STPG2: variants seen among roughly 807,000 people sequenced by gnomAD.
The protein encoded by STPG2 is sperm-tail PG-rich repeat-containing protein 2.
Under a neutral mutation model 54.2 loss-of-function variants are expected in STPG2, and 56 were observed. The observed-to-expected ratio is 1.03, with a 90% confidence interval of 0.83 to 1.29. The LOEUF is 1.29. Ranked by LOEUF, STPG2 falls within the 50% of genes most tolerant of loss-of-function variation. The pLI, the probability that STPG2 is intolerant of heterozygous loss-of-function variation, is 0.00. For synonymous variants in STPG2, 200 were observed against 181.8 expected (o/e 1.10, Z -0.81); for missense variants, 596 against 544.9 (o/e 1.09, Z -0.93).
intron 5 of STPG2, among the ~76,000 whole-genome samples, chr4:98,034,064 C>T (rs1040642129): frequency 1.3e-5 from 2 of 152,160 alleles, no homozygotes; most frequent in Non-Finnish European, 1.5e-5. Flanking sequence ...CCCTCTCACA[C>T]CACTCCTATT....
intron 8 of STPG2, among the ~76,000 whole-genome samples, chr4:97,905,292 G>A (rs1159338771): frequency 1.3e-5 from 2 of 151,952 alleles, no homozygotes; most frequent in Non-Finnish European, 2.9e-5. Flanking sequence ...AGACAGTGGG[G>A]GCCAATATTC....
chr4:97,744,894 A>C (rs577930133), intron 9 of STPG2, among the ~76,000 whole-genome samples: 2 of 151,512 alleles, frequency 1.3e-5, no homozygotes, highest in South Asian at 4.1e-4. Flanking sequence ...TCAAATTACA[A>C]GGCTCAAATG....
chr4:97,903,435 C>A lies in STPG2; in HGVS notation c.1044+40462G>T, dbSNP rs546694569. 3.4e-5 allele frequency among the ~76,000 whole-genome samples: 5 copies of A among 147,150 alleles called. No homozygotes were observed. In the East Asian group the frequency reaches 6.0e-4, roughly 18 times the overall value. On this transcript the variant is annotated intron_variant, in intron 8 of 10. Coordinates refer to ENST00000295268, the MANE Select transcript of STPG2 (RefSeq NM_174952.3). ...GCCAAAAATCAAGTATCTAAGCATA[C>A]AATTAAAAATCTAAAAAAAAAACAG...
intron 6 of STPG2, among the ~76,000 whole-genome samples, chr4:97,979,931 G>C (rs1734618185): frequency 6.6e-6 from 1 of 151,800 alleles, no homozygotes; most frequent in Non-Finnish European, 1.5e-5. Context: ...CACCATGTTG[G>C]CCAGGATGGT....
At chr4:97,556,025 T>G (rs1045987792), downstream of STPG2, among the ~76,000 whole-genome samples, 1 of 152,124 alleles carries the variant, frequency 6.6e-6, no homozygotes, top group African/African-American at 2.4e-5. Context: ...TAAAAGAATC[T>G]TATCCTGCTT....
At position 97,689,018 on chromosome 4, in the gene STPG2, T is replaced by C. The variant is rs983823864; in HGVS notation, c.1320+23681A>G. Among the ~76,000 whole-genome samples, 3 of 152,150 alleles carry C rather than the reference T, an allele frequency of 2.0e-5. No individual in the cohort carries two copies. The East Asian group carries it at 5.8e-4, about 29-fold the overall frequency. ...AAATAAAATAATTTTAAACCCTATT[T>C]GTTACTTCAGTACTGAGTGCTATAC... is the stretch of plus-strand genomic sequence containing the variant. On this transcript the variant is annotated intron_variant, in intron 10 of 10. Transcript: ENST00000295268.
chr4:97,448,636 T>C (rs1171906133), intron 4 of STPG2, among the ~76,000 whole-genome samples: 1 of 152,170 alleles, frequency 6.6e-6, no homozygotes, highest in African/African-American at 2.4e-5. Flanking sequence ...TCCTGAGACC[T>C]CCCCAGTCAT....
intron 4 of STPG2, among the ~76,000 whole-genome samples, chr4:97,498,679 A>G (rs1730660931): frequency 1.3e-5 from 2 of 151,950 alleles, no homozygotes. Flanking sequence ...CTAAAATAAA[A>G]AAACAAGAAA....
intron 4 of STPG2, among the ~76,000 whole-genome samples, chr4:97,516,294 G>A (rs895337665): frequency 2.6e-5 from 4 of 152,012 alleles, no homozygotes; most frequent in Non-Finnish European, 4.4e-5. Flanking sequence ...CTAAACCAGA[G>A]TCACAAATTT....
chr4:97,869,236 T>C (rs1729896721), intron 8 of STPG2, among the ~76,000 whole-genome samples: 1 of 151,774 alleles, frequency 6.6e-6, no homozygotes, highest in Non-Finnish European at 1.5e-5. Flanking sequence ...GAATAATCTA[T>C]ATTCAATTAG....
rs535641100 is a variant in STPG2 at position 97,792,381 on chromosome 4, A to C, written c.1204+48392T>G. Among the ~76,000 whole-genome samples the C allele has an allele frequency of 5.1e-4, 78 of 152,262 alleles. No homozygotes were observed. In the South Asian group the frequency reaches 0.016, roughly 31 times the overall value. On this transcript the variant is annotated intron_variant, in intron 9 of 10. Coordinates refer to ENST00000295268, the MANE Select transcript of STPG2 (RefSeq NM_174952.3). ...TAATCCTTGACTTCTCCCTTTTCTC[A>C]GTCTAATCAGAACCATTGGCATATA...
intron 5 of STPG2, among the ~76,000 whole-genome samples, chr4:98,098,503 C>G (rs1183941339): frequency 1.3e-5 from 2 of 152,020 alleles, no homozygotes; most frequent in African/African-American, 4.8e-5. Context: ...ATCTATGACT[C>G]CAAAGTATGA....
At chr4:97,673,315 T>C (rs1477472907) in intron 10 of STPG2, among the ~76,000 whole-genome samples, 3 of 152,220 alleles carry the variant, frequency 2.0e-5, no homozygotes, top group Non-Finnish European at 4.4e-5. Flanking sequence ...AGAATATTTA[T>C]GGGTTCATGG....
chr4:98,020,997 G>T (rs1560640117), intron 5 of STPG2, among the ~76,000 whole-genome samples: 1 of 152,012 alleles, frequency 6.6e-6, no homozygotes, highest in Non-Finnish European at 1.5e-5. Flanking sequence ...TCTTTGAAGG[G>T]TTTTTTGTGT....
At chr4:97,802,770 C>T (rs2149091128) in intron 9 of STPG2, among the ~76,000 whole-genome samples, 1 of 152,146 alleles carries the variant, frequency 6.6e-6, no homozygotes, top group South Asian at 2.1e-4. Flanking sequence ...CGCGCCCGGC[C>T]CTATCAAGTA....
At chr4:97,474,352 A>C (rs1017266489) in intron 4 of STPG2, among the ~76,000 whole-genome samples, 4 of 152,162 alleles carry the variant, frequency 2.6e-5, no homozygotes, top group African/African-American at 9.7e-5. Context: ...CAAGGCTGAA[A>C]TGAGAACACG....
intron 4 of STPG2, among the ~76,000 whole-genome samples, chr4:97,553,503 C>G (rs1340917827): frequency 6.6e-6 from 1 of 152,128 alleles, no homozygotes; most frequent in African/African-American, 2.4e-5. Flanking sequence ...CCTAGGACTG[C>G]TTTCACTTAA....
At chr4:98,115,039 CTT>C (rs1739478140) in intron 3 of STPG2, among the ~76,000 whole-genome samples, 1 of 151,836 alleles carries the variant, frequency 6.6e-6, no homozygotes, top group Admixed American at 6.6e-5. Flanking sequence ...TAAAATATGA[CTT>C]AATTGAAGCA....
intron 5 of STPG2, among the ~76,000 whole-genome samples, chr4:98,050,678 G>A (rs1237889002): frequency 1.3e-5 from 2 of 152,206 alleles, no homozygotes; most frequent in East Asian, 1.9e-4. Flanking sequence ...AAAAAAGTGA[G>A]GCTAATAAAA....
Sources: gnomAD v4.1 joint callset for allele counts (sites outside exome capture counted in the v4.1 genomes callset) on GRCh38, gnomAD v4.1.1 for gene constraint, MANE v1.5 for transcripts, NCBI Gene and HGNC (gene_info 2026-07-23, HGNC 2026-07-21) for gene names.